BFSP1: variants seen among roughly 807,000 people sequenced by gnomAD.
The protein encoded by BFSP1 is beaded filament structural protein 1.
In BFSP1, 38 loss-of-function variants were observed where a neutral mutation model predicts 43.9. That is an observed-to-expected ratio of 0.87 (90% CI 0.67 to 1.14). BFSP1 has a LOEUF of 1.14. Ranked by LOEUF, BFSP1 falls within the 50% of genes most tolerant of loss-of-function variation. BFSP1 has a pLI of 0.00. For missense variants in BFSP1, 850 were observed against 875.1 expected, an observed-to-expected ratio of 0.97 and a Z score of 0.36; for synonymous variants, 352 against 354.8, an observed-to-expected ratio of 0.99 and a Z score of 0.09.
upstream of BFSP1, among the ~76,000 whole-genome samples, chr20:17,531,964 A>C (rs905192407): frequency 2.6e-5 from 4 of 152,176 alleles, no homozygotes; most frequent in African/African-American, 7.2e-5. Flanking sequence ...GCATGTCTCC[A>C]TTAAGTAGTG....
intron 1 of BFSP1, among the ~76,000 whole-genome samples, chr20:17,557,488 A>C (rs1028973987): frequency 2.6e-5 from 4 of 152,046 alleles, no homozygotes; most frequent in African/African-American, 9.7e-5. Flanking sequence ...AACGTATTCT[A>C]GTGACTCAGT....
At chr20:17,553,392 CA>C (rs573341631) in intron 1 of BFSP1, among the ~76,000 whole-genome samples, 234 of 152,112 alleles carry the variant, frequency 1.5e-3, no homozygotes, top group African/African-American at 5.5e-3. Context: ...AAAACAAAAA[CA>C]AAAATCCTCA....
At chr20:17,553,604 A>G (rs1426434259) in intron 1 of BFSP1, among the ~76,000 whole-genome samples, 1 of 151,712 alleles carries the variant, frequency 6.6e-6, no homozygotes, top group East Asian at 1.9e-4. Context: ...GTTGCTGATA[A>G]GTGCTTCAAA....
chr20:17,524,311 A>G (rs895678565), intron 2 of BFSP1, among the ~76,000 whole-genome samples: 2 of 152,018 alleles, frequency 1.3e-5, no homozygotes, highest in Non-Finnish European at 2.9e-5. Context: ...GTAAAGAGCA[A>G]CTCCACATAA....
At chr20:17,530,554 T>G (rs1341525907) in intron 1 of BFSP1, among the ~76,000 whole-genome samples, 1 of 152,170 alleles carries the variant, frequency 6.6e-6, no homozygotes, top group East Asian at 1.9e-4. Flanking sequence ...GCCTCCGGTC[T>G]GGGGCAAAGG....
intron 4 of BFSP1, among the ~76,000 whole-genome samples, chr20:17,509,604 C>T (rs2034027061): frequency 6.6e-6 from 1 of 152,098 alleles, no homozygotes; most frequent in African/African-American, 2.4e-5. Context: ...AAGGATTTGA[C>T]TCTCAAAGCC....
chr20:17,494,381 TC>T lies in BFSP1; in HGVS notation c.1690del (p.Glu564SerfsTer81). The part of the protein sequence containing the change: ...EGPEEKREGE[E>X]RDEESRRPCA... The stretch of plus-strand genomic sequence containing the variant: ...GGGTCTCCTGGACTCTTCGTCCCGC[TC>T]CTCACCCTCACGTTTCTCTTCAGGG... On this transcript the variant is annotated frameshift_variant, in exon 8 of 8. Coordinates refer to ENST00000377873, the MANE Select transcript of BFSP1 (RefSeq NM_001195.5). LOFTEE classifies it low-confidence loss of function (END_TRUNC). 6.2e-7 allele frequency: 1 copy of T among 1,614,186 alleles called. No individual in the cohort carries two copies.
In BFSP1 at chr20:17,494,520, T is replaced by G; in HGVS notation, c.1552A>C (p.Lys518Gln). 6.2e-7 allele frequency: 1 copy of G among 1,614,210 alleles called. No homozygotes were observed. The highest frequency in any genetic ancestry group is 8.5e-7 in the Non-Finnish European group (1 of 1,180,040). ...GQVEPSPESPKPPLENGQVGL... is the reference protein window; with the variant it reads ...GQVEPSPESPQPPLENGQVGL... ...ACCTGCCCATTCTCTAAAGGGGGCT[T>G]GGGTGACTCAGGAGAGGGCTCCACC... is the stretch of plus-strand genomic sequence containing the variant. Residue 518 changes from lysine to glutamine, a missense_variant, in exon 8 of 8, where the codon AAG (lysine) becomes CAG (glutamine). Lys to Gln is a moderately conservative substitution (Grantham distance 53, BLOSUM62 1). Coordinates refer to ENST00000377873, the MANE Select transcript of BFSP1 (RefSeq NM_001195.5).
chr20:17,526,833 T>G lies in BFSP1; in HGVS notation c.378-1925A>C, dbSNP rs188275743. Among the ~76,000 whole-genome samples, 78 of 152,342 alleles carry G rather than the reference T, an allele frequency of 5.1e-4. 1 individual carries two copies. The highest frequency in any genetic ancestry group is 3.5e-3 in the South Asian group (17 of 4,832). On this transcript the variant is annotated intron_variant, in intron 1 of 7. Coordinates refer to ENST00000377873, the MANE Select transcript of BFSP1 (RefSeq NM_001195.5). ...CTAACAAACACTTATTTTCTGTTGT[T>G]TTTTGTTTTGTTTTGTTTTTTATAG...
chr20:17,521,534 G>A (rs986138019), intron 2 of BFSP1, among the ~76,000 whole-genome samples: 76 of 152,230 alleles, frequency 5.0e-4, no homozygotes, highest in Admixed American at 5.0e-3. Context: ...TTGATCTGAT[G>A]TAAGAAAATA....
intron 1 of BFSP1, among the ~76,000 whole-genome samples, chr20:17,547,218 AAT>A (rs199589884): frequency 2.0e-5 from 3 of 151,664 alleles, no homozygotes; most frequent in African/African-American, 7.3e-5. Flanking sequence ...TAAATAAATA[AAT>A]ATATATATGA....
intron 5 of BFSP1, among the ~76,000 whole-genome samples, chr20:17,505,389 G>A (rs566585692): frequency 6.6e-6 from 1 of 152,336 alleles, no homozygotes; most frequent in Admixed American, 6.5e-5. Flanking sequence ...CCCAGGTGGT[G>A]CCCCCGCTGC....
intron 1 of BFSP1, among the ~76,000 whole-genome samples, chr20:17,546,519 T>C (rs2034803370): frequency 6.6e-6 from 1 of 152,016 alleles, no homozygotes; most frequent in South Asian, 2.1e-4. Context: ...TGGACCAACA[T>C]GTTGAAACCC....
intron 1 of BFSP1, among the ~76,000 whole-genome samples, chr20:17,536,680 T>C (rs553483004): frequency 6.6e-6 from 1 of 152,352 alleles, no homozygotes; most frequent in Non-Finnish European, 1.5e-5. Flanking sequence ...CTCTAGCATT[T>C]TGAGCCATCC....
At chr20:17,497,616 A>G (rs113579376) in intron 6 of BFSP1, among the ~76,000 whole-genome samples, 1 of 114,860 alleles carries the variant, frequency 8.7e-6, no homozygotes, top group Admixed American at 9.7e-5. Flanking sequence ...ACGTATATAT[A>G]CATATACACA....
chr20:17,535,336 C>T (rs1568708180), upstream of BFSP1, among the ~76,000 whole-genome samples: 1 of 152,118 alleles, frequency 6.6e-6, no homozygotes, highest in Non-Finnish European at 1.5e-5. Flanking sequence ...CAAGACCATC[C>T]TAGCCAACAT....
chr20:17,561,359 C>G (rs780976870), upstream of BFSP1, among the ~76,000 whole-genome samples: 6 of 152,000 alleles, frequency 3.9e-5, no homozygotes, highest in Admixed American at 1.3e-4. Context: ...ATTAGCTGGG[C>G]GTAGTAGTGG....
intron 1 of BFSP1, among the ~76,000 whole-genome samples, chr20:17,540,298 T>C (rs2034695334): frequency 6.6e-6 from 1 of 152,146 alleles, no homozygotes; most frequent in Admixed American, 6.5e-5. Context: ...ATTTGAAATT[T>C]ATGTCATCAG....
At position 17,498,925 on chromosome 20, in the gene BFSP1, A is replaced by T. The variant is rs752366292; in HGVS notation, c.851T>A (p.Val284Asp). 4 of 1,614,066 alleles carry T rather than the reference A, an allele frequency of 2.5e-6. No individual in the cohort carries two copies. Among genetic ancestry groups the T allele is most frequent in the Non-Finnish European group, 3.4e-6 (4 of 1,180,004 alleles). The part of the protein sequence containing the change: ...LRKEIEETER[V>D]LEKSSYDCRQ... ...GCAGTCGTAAGAAGACTTCTCCAGG[A>T]CCCGCTCTGTCTCCTCAATCTCCTT... The change falls in exon 6 of 8, where the codon GTC becomes GAC. Residue 284 changes from valine (V) to aspartate (D), a missense_variant. Transcript: ENST00000377873.
Sources: gnomAD v4.1 joint callset for allele counts (sites outside exome capture counted in the v4.1 genomes callset) on GRCh38, gnomAD v4.1.1 for gene constraint, MANE v1.5 for transcripts, NCBI Gene and HGNC (gene_info 2026-07-23, HGNC 2026-07-21) for gene names.